The following GTSF1 variants were observed in gnomAD, a reference collection of about 807,000 sequenced individuals.
GTSF1 encodes the protein gametocyte specific factor 1, also known as gametocyte-specific factor 1.
Under a neutral mutation model 28.9 loss-of-function variants are expected in GTSF1, and 11 were observed. That is an observed-to-expected ratio of 0.38 (90% CI 0.24 to 0.63). GTSF1 has a LOEUF of 0.63. Among genes scored for constraint, GTSF1 ranks in the 30% least tolerant of loss-of-function variants. The pLI is 0.56. For missense variants in GTSF1, 146 were observed against 201.0 expected, an observed-to-expected ratio of 0.73 and a Z score of 1.66; for synonymous variants, 69 against 65.6, an observed-to-expected ratio of 1.05 and a Z score of -0.25.
chr12:54,462,796 C>G, intron 4 of GTSF1, 71 bp from the exon 5 acceptor site: 1 of 1,252,866 alleles, frequency 8.0e-7, no homozygotes, highest in Non-Finnish European at 1.2e-6. Context: ...GGGCTAGTAG[C>G]TTAAAAGGTT....
chr12:54,470,106 G>A (rs1956576270), intron 2 of GTSF1, among the ~76,000 whole-genome samples: 1 of 152,082 alleles, frequency 6.6e-6, no homozygotes, highest in African/African-American at 2.4e-5. Context: ...ACCCGGGAGG[G>A]TGGAAGTTGC....
intron 2 of GTSF1, 68 bp from the exon 3 acceptor site, chr12:54,465,235 C>T (rs977268989): frequency 1.5e-5 from 15 of 1,014,208 alleles, no homozygotes; most frequent in Non-Finnish European, 2.3e-5. Context: ...GCATTCCAGG[C>T]ACACTGGATT....
chr12:54,464,046 C>T (rs557149006), intron 3 of GTSF1, among the ~76,000 whole-genome samples: 5 of 152,064 alleles, frequency 3.3e-5, no homozygotes, highest in East Asian at 1.9e-4. Context: ...AAATGAAACT[C>T]GGAAAAGTAA....
intron 8 of GTSF1, among the ~76,000 whole-genome samples, 167 bp downstream of exon 8, chr12:54,458,922 T>A (rs1371314641): frequency 6.6e-6 from 1 of 151,944 alleles, no homozygotes; most frequent in Non-Finnish European, 1.5e-5. Flanking sequence ...TGCCTATTCA[T>A]TAGAGTGTAA....
At chr12:54,459,566 G>C (rs192281972) in intron 7 of GTSF1, 14 of 672,302 alleles carry the variant, frequency 2.1e-5, no homozygotes, top group Admixed American at 3.4e-5. Flanking sequence ...TTTAGTACTT[G>C]TTTACCCAGC....
chr12:54,467,257 G>A (rs933831265), intron 2 of GTSF1, among the ~76,000 whole-genome samples: 5 of 151,754 alleles, frequency 3.3e-5, no homozygotes, highest in African/African-American at 1.2e-4. Flanking sequence ...CTTAGCCTAA[G>A]GTCCTCAAGG....
chr12:54,458,182 A>C (rs555141756), intron 8 of GTSF1, among the ~76,000 whole-genome samples: 3 of 152,302 alleles, frequency 2.0e-5, no homozygotes, highest in South Asian at 2.1e-4. Flanking sequence ...AACCTCAGCC[A>C]AGACGACATT....
chr12:54,470,961 C>T (rs1166061875), intron 2 of GTSF1, among the ~76,000 whole-genome samples: 1 of 152,122 alleles, frequency 6.6e-6, no homozygotes, highest in Non-Finnish European at 1.5e-5. Flanking sequence ...TTACTATCCC[C>T]GTGTCATACA....
intron 8 of GTSF1, among the ~76,000 whole-genome samples, chr12:54,457,814 C>T (rs1017141680): frequency 1.3e-5 from 2 of 152,130 alleles, no homozygotes; most frequent in African/African-American, 4.8e-5. Context: ...GGACCAAATC[C>T]CATTTTCTGG....
At chr12:54,465,292 C>A in intron 2 of GTSF1, 125 bp from the exon 3 acceptor site, 1 of 505,106 alleles carries the variant, frequency 2.0e-6, no homozygotes, top group South Asian at 3.3e-5. Context: ...CTAAAGAAAA[C>A]TTGGATTAAA....
At position 54,462,648 on chromosome 12, in the gene GTSF1, C is replaced by A. The variant is rs1195290260; in HGVS notation, c.322G>T (p.Asp108Tyr). ...AGATGTAGAGGCAGCTCACCTTTAT[C>A]CCAGTCTTCATCGCAAGGAGGGCAC... ...WQCPPCDEDW[D>Y]KDLWEQTSTP... Residue 108 changes from aspartate (D) to tyrosine (Y), a missense_variant, in exon 5 of 9, where the codon GAT becomes TAT. By Grantham distance (160) the Asp-to-Tyr change is radical (BLOSUM62 -3). Transcript: ENST00000305879. The A allele has an allele frequency of 6.2e-7, 1 of 1,612,598 alleles. No homozygotes were observed. Among genetic ancestry groups the A allele is most frequent in the Non-Finnish European group, 8.5e-7 (1 of 1,178,778 alleles).
chr12:54,470,765 T>C (rs747119733), intron 2 of GTSF1, among the ~76,000 whole-genome samples: 4 of 152,348 alleles, frequency 2.6e-5, no homozygotes, highest in East Asian at 3.9e-4. Context: ...TTGTAATAGA[T>C]GATTTTTCAA....
intron 2 of GTSF1, 23 bp from the exon 3 acceptor site, chr12:54,465,190 T>G: frequency 6.5e-7 from 1 of 1,537,846 alleles, no homozygotes; most frequent in Non-Finnish European, 9.0e-7. Context: ...AGTGTTTCAG[T>G]AGGTAAAACG....
chr12:54,460,628 A>G (rs1170674968), intron 6 of GTSF1, among the ~76,000 whole-genome samples, 157 bp from the exon 7 acceptor site: 1 of 152,244 alleles, frequency 6.6e-6, no homozygotes, highest in East Asian at 1.9e-4. Context: ...TCCGGCAATT[A>G]GAATGATTAC....
intron 2 of GTSF1, among the ~76,000 whole-genome samples, chr12:54,469,815 A>C (rs1415869912): frequency 6.6e-6 from 1 of 151,776 alleles, no homozygotes; most frequent in African/African-American, 2.4e-5. Flanking sequence ...CAGCTGCCTG[A>C]GTAGCTGGGA....
At chr12:54,462,576 CTTCT>C in intron 5 of GTSF1, 62 bp downstream of exon 5, 1 of 1,345,004 alleles carries the variant, frequency 7.4e-7, no homozygotes, top group South Asian at 1.2e-5. Context: ...GAAAATCTTC[CTTCT>C]GTCTTAAGCA....
intron 3 of GTSF1, among the ~76,000 whole-genome samples, chr12:54,463,969 T>A (rs1055276623): frequency 6.6e-6 from 1 of 152,128 alleles, no homozygotes; most frequent in African/African-American, 2.4e-5. Flanking sequence ...GGGTTTAGTA[T>A]CACCTATATC....
At chr12:54,457,719 T>C (rs1382671404) in intron 8 of GTSF1, among the ~76,000 whole-genome samples, 4 of 152,186 alleles carry the variant, frequency 2.6e-5, no homozygotes. Flanking sequence ...GCCTCTCAAG[T>C]AGCTGGGATG....
intron 2 of GTSF1, among the ~76,000 whole-genome samples, chr12:54,466,357 AACAG>A (rs1226591711): frequency 6.6e-6 from 1 of 152,244 alleles, no homozygotes. Context: ...GGGGAATTGA[AACAG>A]ACAGTTTCAC....
Sources: allele counts gnomAD v4.1 joint callset (sites outside exome capture counted in the v4.1 genomes callset), GRCh38; gene constraint gnomAD v4.1.1; transcripts MANE v1.5; gene names NCBI Gene and HGNC (gene_info 2026-07-23, HGNC 2026-07-21).